Variants in NT5DC1 observed in about 807,000 individuals in gnomAD.
NT5DC1 encodes 5'-nucleotidase domain-containing protein 1.
A neutral mutation model predicts 59.4 loss-of-function variants in NT5DC1; 42 were observed. The ratio of observed to expected loss-of-function variants is 0.71; its 90% CI spans 0.55 to 0.92. The LOEUF is 0.92. NT5DC1 is among the 40% of genes least tolerant of loss of function. NT5DC1 has a pLI of 0.00. For synonymous variants in NT5DC1, 172 were observed against 188.1 expected (o/e 0.91, Z 0.70); for missense variants, 501 against 537.1 (o/e 0.93, Z 0.66).
Position 116,100,862 on chromosome 6 carries a change from C to A in NT5DC1, c.-69C>A. The A allele has an allele frequency of 8.0e-7, 1 of 1,247,308 alleles. No homozygotes were observed. The allele number at this position is 1,247,308 out of a possible 1,614,324, so 77.3% of individuals were successfully genotyped here. On this transcript the variant is annotated 5_prime_UTR_variant, in exon 1 of 12. Coordinates refer to ENST00000319550, the MANE Select transcript of NT5DC1 (RefSeq NM_152729.3). Reference sequence around the variant, plus strand: ...CCGCGTCCGGCCCGGTCCTGTCCCGCAGCGTCCCGCCAGCCAGCTCCTTGC... The same window carrying A: ...CCGCGTCCGGCCCGGTCCTGTCCCGAAGCGTCCCGCCAGCCAGCTCCTTGC...
rs953894530 is a variant in NT5DC1 at position 116,239,139 on chromosome 6, C to T, written c.1252+16C>T. 1.9e-6 allele frequency: 3 copies of T among 1,580,670 alleles called. No individual in the cohort carries two copies. The African/African-American group carries it at 4.1e-5, about 21-fold the overall frequency. On this transcript the variant is annotated intron_variant, in intron 11 of 11. Transcript: ENST00000319550. Reference sequence around the variant, plus strand: ...GCAATCGCAGGTAAGGGGGAAAATACCTATAAAGCTTCACCTGTTACTAGA... The same window carrying T: ...GCAATCGCAGGTAAGGGGGAAAATATCTATAAAGCTTCACCTGTTACTAGA...
chr6:116,183,714 T>G (rs1478562784), intron 6 of NT5DC1, among the ~76,000 whole-genome samples: 1 of 152,028 alleles, frequency 6.6e-6, no homozygotes, highest in East Asian at 1.9e-4. Context: ...TCACTGTTAG[T>G]GTATAGCAGG....
In NT5DC1 at chr6:116,245,329, A is replaced by C. The variant is rs1771825042; in HGVS notation, c.*1305A>C. 4 of 152,536 alleles carry C rather than the reference A, an allele frequency of 2.6e-5. 1 individual carries two copies. In the South Asian group the frequency reaches 8.3e-4, roughly 32 times the overall value. 9.4% of individuals were successfully genotyped at this position (152,536 alleles called of 1,614,324 possible). ...TATCTGGTTTACAAACACTATCATT[A>C]TTTTACCTGGATTGAAGTGCAGAAT... On this transcript the variant is annotated 3_prime_UTR_variant, in exon 12 of 12. Coordinates refer to ENST00000319550, the MANE Select transcript of NT5DC1 (RefSeq NM_152729.3).
chr6:116,222,756 C>T (rs546161590), intron 7 of NT5DC1, among the ~76,000 whole-genome samples: 10 of 152,240 alleles, frequency 6.6e-5, no homozygotes, highest in African/African-American at 2.4e-4. Context: ...AGTTCACTAC[C>T]AAAGCCAGCT....
At chr6:116,165,803 C>T (rs1003684030) in intron 6 of NT5DC1, among the ~76,000 whole-genome samples, 9 of 152,222 alleles carry the variant, frequency 5.9e-5, no homozygotes, top group Non-Finnish European at 1.2e-4. Flanking sequence ...ACCTGCTGGT[C>T]CCCTGTGGTT....
In NT5DC1 at chr6:116,101,023, G is replaced by C; in HGVS notation, c.93G>C (p.Pro31=). Residue 31 remains proline (P), a splice_region_variant and synonymous_variant, in exon 1 of 12, where the codon CCG becomes CCC. Coordinates refer to ENST00000319550, the MANE Select transcript of NT5DC1 (RefSeq NM_152729.3). ...GCTACAACCTGCCCGAGAGCGCCCCGGTGAGTGGCGCGGGCTCCGGGGCGC... is the reference window on the plus strand; with the variant it reads ...GCTACAACCTGCCCGAGAGCGCCCCCGTGAGTGGCGCGGGCTCCGGGGCGC... ...LCRYNLPESA[P]LIYNSFAQFL... 2 of 1,586,170 alleles carry C rather than the reference G, an allele frequency of 1.3e-6. No individual in the cohort carries two copies. Among genetic ancestry groups the C allele is most frequent in the Non-Finnish European group, 1.7e-6 (2 of 1,166,820 alleles).
chr6:116,187,286 T>C (rs1419677716), intron 6 of NT5DC1, among the ~76,000 whole-genome samples: 2 of 152,112 alleles, frequency 1.3e-5, no homozygotes, highest in Non-Finnish European at 2.9e-5. Context: ...AAGTGGACTC[T>C]GTGAGGGTCA....
At chr6:116,140,665 C>A (rs1382990382) in intron 6 of NT5DC1, among the ~76,000 whole-genome samples, 1 of 151,984 alleles carries the variant, frequency 6.6e-6, no homozygotes, top group Non-Finnish European at 1.5e-5. Context: ...GAAAGTATAC[C>A]ACTCCACATC....
chr6:116,101,112 G>A (rs1458724955), intron 1 of NT5DC1, 89 bp downstream of exon 1: 3 of 926,680 alleles, frequency 3.2e-6, no homozygotes, highest in Non-Finnish European at 4.8e-6. Flanking sequence ...AACGGCGGAC[G>A]CTGCCCGGGG....
At chr6:116,235,011 AT>A (rs1367599989) in intron 8 of NT5DC1, among the ~76,000 whole-genome samples, 2 of 143,340 alleles carry the variant, frequency 1.4e-5, no homozygotes, top group Non-Finnish European at 3.0e-5. Context: ...TATAAAGTGA[AT>A]TTTTTGTTTT....
intron 6 of NT5DC1, among the ~76,000 whole-genome samples, chr6:116,150,398 C>A (rs1780010071): frequency 6.6e-6 from 1 of 152,152 alleles, no homozygotes; most frequent in African/African-American, 2.4e-5. Context: ...AATTCTCCTG[C>A]CTCAACCTCC....
intron 6 of NT5DC1, among the ~76,000 whole-genome samples, chr6:116,210,548 T>C (rs1226891412): frequency 9.2e-5 from 14 of 152,038 alleles, no homozygotes; most frequent in African/African-American, 3.4e-4. Flanking sequence ...TATCTCGGAT[T>C]TTCAGTTGCA....
intron 6 of NT5DC1, among the ~76,000 whole-genome samples, chr6:116,162,220 G>C (rs1028662446): frequency 6.6e-6 from 1 of 152,120 alleles, no homozygotes; most frequent in African/African-American, 2.4e-5. Context: ...TGTCCTCAGT[G>C]AATAGAGATA....
chr6:116,106,737 TTAGGACAATTG>T (rs1297288486), intron 2 of NT5DC1, among the ~76,000 whole-genome samples: 1 of 152,242 alleles, frequency 6.6e-6, no homozygotes, highest in African/African-American at 2.4e-5. Context: ...TAAGTCTGAA[TTAGGACAATTG>T]CTTTTCTGTC....
intron 6 of NT5DC1, among the ~76,000 whole-genome samples, chr6:116,138,776 A>C (rs1391820196): frequency 3.3e-5 from 5 of 152,138 alleles, no homozygotes; most frequent in African/African-American, 1.2e-4. Flanking sequence ...TTTGTATAGA[A>C]TTGTATATTT....
intron 6 of NT5DC1, chr6:116,122,035 A>T: frequency 7.7e-7 from 1 of 1,291,140 alleles, no homozygotes; most frequent in South Asian, 1.2e-5. Context: ...ATTGCCTTTC[A>T]AACTATGAAT....
chr6:116,163,536 T>C (rs937927159), intron 6 of NT5DC1, among the ~76,000 whole-genome samples: 2 of 152,114 alleles, frequency 1.3e-5, no homozygotes, highest in African/African-American at 4.8e-5. Flanking sequence ...TAGTTAGTAG[T>C]CTATCAATTT....
At chr6:116,203,047 A>G (rs1359937870) in intron 6 of NT5DC1, among the ~76,000 whole-genome samples, 1 of 151,986 alleles carries the variant, frequency 6.6e-6, no homozygotes, top group Non-Finnish European at 1.5e-5. Context: ...TTTTTCCCAC[A>G]GATTATGATA....
At chr6:116,179,817 T>C (rs751584421) in intron 6 of NT5DC1, among the ~76,000 whole-genome samples, 5 of 152,118 alleles carry the variant, frequency 3.3e-5, no homozygotes, top group African/African-American at 9.6e-5. Flanking sequence ...ATCTTATTTC[T>C]TTTGGAAAGG....
Sources: allele counts gnomAD v4.1 joint callset (sites outside exome capture counted in the v4.1 genomes callset), GRCh38; gene constraint gnomAD v4.1.1; transcripts MANE v1.5; gene names NCBI Gene and HGNC (gene_info 2026-07-23, HGNC 2026-07-21).